SGIP1: variants seen among roughly 807,000 people sequenced by gnomAD.
SGIP1 encodes SH3-containing GRB2-like protein 3-interacting protein 1.
SGIP1 carries 38 observed loss-of-function variants against 107.5 expected under a neutral mutation model. That is an observed-to-expected ratio of 0.35 (90% CI 0.27 to 0.46). SGIP1 has a LOEUF of 0.46. SGIP1 is among the 20% of genes least tolerant of loss of function. The pLI is 1.00. For missense variants in SGIP1, 929 were observed against 1,019.5 expected (o/e 0.91, Z 1.21); for synonymous variants, 365 against 366.1 (o/e 1.00, Z 0.03).
In SGIP1 at chr1:66,736,564, A is replaced by G. The variant is rs369959632; in HGVS notation, c.2031+2684A>G. Among the ~76,000 whole-genome samples, 18 of 48,348 alleles carry G rather than the reference A, an allele frequency of 3.7e-4. 3 individuals carry two copies. The highest frequency in any genetic ancestry group is 1.5e-3 in the South Asian group (3 of 2,058). 31.7% of individuals were successfully genotyped at this position (48,348 alleles called of 152,430 possible). On this transcript the variant is annotated intron_variant, in intron 21 of 24. Coordinates refer to ENST00000371037, the MANE Select transcript of SGIP1 (RefSeq NM_032291.4). The stretch of plus-strand genomic sequence containing the variant: ...TATATGTGAATATAATATATTGCGT[A>G]TTATATGTGAATATAATATATTGCG...
chr1:66,695,065 G>T (rs2090603551), intron 17 of SGIP1: 3 of 383,276 alleles, frequency 7.8e-6, no homozygotes, highest in Non-Finnish European at 1.4e-5. Flanking sequence ...TGACATTGAA[G>T]ATGAAATGGA....
At chr1:66,672,532 T>C (rs1285833014) in intron 11 of SGIP1, among the ~76,000 whole-genome samples, 1 of 152,194 alleles carries the variant, frequency 6.6e-6, no homozygotes, top group Non-Finnish European at 1.5e-5. Context: ...TTTCAATCTT[T>C]ATCCTCCTCC....
At chr1:66,605,802 A>C (rs1045689339) in intron 1 of SGIP1, among the ~76,000 whole-genome samples, 2 of 152,160 alleles carry the variant, frequency 1.3e-5, no homozygotes, top group Admixed American at 6.5e-5. Context: ...GCTCAATACC[A>C]CTGATTATGT....
intron 1 of SGIP1, among the ~76,000 whole-genome samples, chr1:66,574,700 C>T (rs1569755814): frequency 6.6e-6 from 1 of 152,192 alleles, no homozygotes; most frequent in South Asian, 2.1e-4. Flanking sequence ...TCACTGGTTC[C>T]CCCTTTCTTA....
Position 66,745,261 on chromosome 1 carries a change from G to A in SGIP1, c.*2166G>A, listed in dbSNP as rs952258216. ...TCTAACATTATTCAAATCTTTCTAG[G>A]GATTAAATTAGAAACTATGAAGAAA... On this transcript the variant is annotated 3_prime_UTR_variant, in exon 25 of 25. Transcript: ENST00000371037. 6.6e-6 allele frequency: 1 copy of A among 151,476 alleles called. No homozygotes were observed. The highest frequency in any genetic ancestry group is 1.5e-5 in the Non-Finnish European group (1 of 67,786). The allele number at this position is 151,476 out of a possible 1,614,324, so 9.4% of individuals were successfully genotyped here. A position where few individuals can be genotyped will look rare whatever the true frequency, so the allele number is the denominator to read the frequency against.
intron 1 of SGIP1, among the ~76,000 whole-genome samples, chr1:66,536,669 C>G (rs959106504): frequency 1.3e-5 from 2 of 152,136 alleles, no homozygotes; most frequent in Non-Finnish European, 2.9e-5. Context: ...AAAGGCACCC[C>G]AAATTTGTCA....
intron 1 of SGIP1, among the ~76,000 whole-genome samples, chr1:66,556,222 G>A (rs2058149801): frequency 6.6e-6 from 1 of 152,112 alleles, no homozygotes; most frequent in Non-Finnish European, 1.5e-5. Flanking sequence ...TCTACTGGCT[G>A]CTTATAAATA....
intron 14 of SGIP1, among the ~76,000 whole-genome samples, chr1:66,680,171 C>T (rs1347765787): frequency 1.3e-5 from 2 of 152,144 alleles, no homozygotes; most frequent in Non-Finnish European, 2.9e-5. Flanking sequence ...TCTATGAAGA[C>T]ATAAAATGGT....
Position 66,729,154 on chromosome 1 carries a change from T to G in SGIP1, c.1743-110T>G, listed in dbSNP as rs1320276121. On this transcript the variant is annotated intron_variant, in intron 19 of 24. Coordinates refer to ENST00000371037, the MANE Select transcript of SGIP1 (RefSeq NM_032291.4). ...TGGAATTGTAAGAGCCTGCCTTTTA[T>G]CTCTTCTGCTATTTAACATTGCCTC... The G allele has an allele frequency of 7.3e-6, 9 of 1,235,756 alleles. No individual in the cohort carries two copies. The African/African-American group carries it at 1.4e-4, about 19-fold the overall frequency. The allele number at this position is 1,235,756 out of a possible 1,614,324, so 76.5% of individuals were successfully genotyped here. A position where few individuals can be genotyped will look rare whatever the true frequency, so the allele number is the denominator to read the frequency against.
At position 66,631,774 on chromosome 1, in the gene SGIP1, G is replaced by A. The variant is rs141368658; in HGVS notation, c.75-1296G>A. Among the ~76,000 whole-genome samples the A allele has an allele frequency of 1.7e-4, 25 of 148,268 alleles. No individual in the cohort carries two copies. In the East Asian group the frequency reaches 3.3e-3, roughly 20 times the overall value. ...GAAGCAATAATTTTCTTACCTGATTGCACCTTCCGAAGAATGGTTCCAACC... is the reference window on the plus strand; with the variant it reads ...GAAGCAATAATTTTCTTACCTGATTACACCTTCCGAAGAATGGTTCCAACC... On this transcript the variant is annotated intron_variant, in intron 2 of 24. Coordinates refer to ENST00000371037, the MANE Select transcript of SGIP1 (RefSeq NM_032291.4).
chr1:66,652,575 G>A (rs1215188129), intron 7 of SGIP1, among the ~76,000 whole-genome samples: 1 of 152,142 alleles, frequency 6.6e-6, no homozygotes, highest in Admixed American at 6.6e-5. Context: ...GGGGGAAATA[G>A]CTTTGAACTG....
At chr1:66,623,750 C>T (rs1482653445) in intron 1 of SGIP1, among the ~76,000 whole-genome samples, 3 of 152,142 alleles carry the variant, frequency 2.0e-5, no homozygotes, top group Non-Finnish European at 4.4e-5. Flanking sequence ...TTATCGTTGG[C>T]TGATTTGTTA....
At chr1:66,675,147 C>T (rs986759613) in intron 12 of SGIP1, among the ~76,000 whole-genome samples, 2 of 152,104 alleles carry the variant, frequency 1.3e-5, no homozygotes, top group South Asian at 2.1e-4. Context: ...TACATCTGCC[C>T]GTTTAAGGAA....
chr1:66,637,592 T>C (rs1445251644), intron 4 of SGIP1, among the ~76,000 whole-genome samples: 1 of 151,890 alleles, frequency 6.6e-6, no homozygotes, highest in Non-Finnish European at 1.5e-5. Context: ...TCTACAAGTT[T>C]TGTTTTCCCT....
intron 1 of SGIP1, among the ~76,000 whole-genome samples, chr1:66,552,201 G>A (rs371042961): frequency 2.0e-5 from 3 of 152,120 alleles, no homozygotes; most frequent in Non-Finnish European, 2.9e-5. Flanking sequence ...TGTCATGAGC[G>A]GAGACTTTAT....
chr1:66,701,097 T>C (rs1334693167), intron 18 of SGIP1, among the ~76,000 whole-genome samples: 1 of 152,158 alleles, frequency 6.6e-6, no homozygotes, highest in Non-Finnish European at 1.5e-5. Context: ...GTCACAATTA[T>C]AGTCATAGAG....
chr1:66,549,069 C>G (rs917650789), intron 1 of SGIP1, among the ~76,000 whole-genome samples: 1 of 152,138 alleles, frequency 6.6e-6, no homozygotes, highest in Non-Finnish European at 1.5e-5. Context: ...GGGTTCAGAT[C>G]CTAACTCTGA....
chr1:66,558,777 G>T (rs937203767), intron 1 of SGIP1, among the ~76,000 whole-genome samples: 23 of 151,156 alleles, frequency 1.5e-4, no homozygotes, highest in African/African-American at 5.6e-4. Flanking sequence ...GGTTTTGTGG[G>T]TGTGTAGTTC....
At chr1:66,626,102 C>A in intron 2 of SGIP1, 192 bp downstream of exon 2, 45 of 279,434 alleles carry the variant, frequency 1.6e-4, no homozygotes, top group Non-Finnish European at 2.2e-4. Flanking sequence ...AATTTTTCAT[C>A]ATGTGTTCAG....
Sources: allele counts gnomAD v4.1 joint callset (sites outside exome capture counted in the v4.1 genomes callset), GRCh38; gene constraint gnomAD v4.1.1; transcripts MANE v1.5; gene names NCBI Gene and HGNC (gene_info 2026-07-23, HGNC 2026-07-21).